The following ATP8A2 variants were observed in gnomAD, a reference collection of about 807,000 sequenced individuals.
ATP8A2 encodes phospholipid-transporting ATPase IB.
A neutral mutation model predicts 165.6 loss-of-function variants in ATP8A2; 100 were observed. The ratio of observed to expected loss-of-function variants is 0.60; its 90% confidence interval spans 0.51 to 0.71. The LOEUF (loss-of-function observed/expected upper bound fraction) is 0.71, where lower values mean the gene tolerates loss of function less well. ATP8A2 is among the 30% of genes least tolerant of loss of function. The pLI, the probability that ATP8A2 is intolerant of heterozygous loss-of-function variation, is 0.00. For synonymous variants in ATP8A2, 543 were observed against 548.8 expected (o/e 0.99, Z 0.15); for missense variants, 1,227 against 1,479.5 (o/e 0.83, Z 2.80).
At chr13:25,989,091 C>T (rs1214294593) in intron 35 of ATP8A2, among the ~76,000 whole-genome samples, 3 of 152,208 alleles carry the variant, frequency 2.0e-5, no homozygotes, top group Non-Finnish European at 2.9e-5. Context: ...GGAGGTTAAT[C>T]GGTGGTGAAG....
intron 2 of ATP8A2, among the ~76,000 whole-genome samples, chr13:25,527,529 A>G (rs949109530): frequency 1.2e-4 from 18 of 152,170 alleles, no homozygotes; most frequent in Non-Finnish European, 2.6e-4. Flanking sequence ...TAATGGCTAT[A>G]TATTTTGGCA....
At chr13:25,374,978 A>G (rs1003135064) in intron 1 of ATP8A2, among the ~76,000 whole-genome samples, 2 of 152,188 alleles carry the variant, frequency 1.3e-5, no homozygotes, top group Non-Finnish European at 2.9e-5. Flanking sequence ...ATAATTCTGG[A>G]ATATTTTCTT....
intron 25 of ATP8A2, among the ~76,000 whole-genome samples, chr13:25,724,777 T>C (rs994213106): frequency 6.6e-6 from 1 of 152,184 alleles, no homozygotes. Context: ...TATCTGTTTT[T>C]ATGATGTCCT....
At chr13:25,761,128 T>C (rs1273685539) in intron 25 of ATP8A2, among the ~76,000 whole-genome samples, 1 of 152,186 alleles carries the variant, frequency 6.6e-6, no homozygotes, top group African/African-American at 2.4e-5. Flanking sequence ...AAAGGACCTA[T>C]GCCTGGTATT....
intron 27 of ATP8A2, among the ~76,000 whole-genome samples, chr13:25,801,082 A>G (rs192654545): frequency 3.0e-4 from 45 of 152,282 alleles, no homozygotes; most frequent in Middle Eastern, 3.4e-3. Context: ...TTGTCTGAAT[A>G]ACATACATCC....
At chr13:25,380,486 T>C (rs1454598635) in intron 1 of ATP8A2, among the ~76,000 whole-genome samples, 1 of 152,118 alleles carries the variant, frequency 6.6e-6, no homozygotes. Context: ...AGACTTAGTA[T>C]GAAAAAGGAA....
At chr13:25,937,622 G>A (rs1249749655) in intron 33 of ATP8A2, among the ~76,000 whole-genome samples, 1 of 150,964 alleles carries the variant, frequency 6.6e-6, no homozygotes, top group East Asian at 1.9e-4. Flanking sequence ...GGCTGAGGCT[G>A]GCGGATCACG....
chr13:25,507,002 A>G (rs1566196370), intron 2 of ATP8A2, among the ~76,000 whole-genome samples: 2 of 149,450 alleles, frequency 1.3e-5, no homozygotes, highest in Non-Finnish European at 3.0e-5. Context: ...GAAACTAAAT[A>G]TGTGTGTGTA....
intron 33 of ATP8A2, among the ~76,000 whole-genome samples, chr13:25,922,608 C>T (rs1954490345): frequency 6.6e-6 from 1 of 152,208 alleles, no homozygotes; most frequent in African/African-American, 2.4e-5. Flanking sequence ...AGAGGTTATA[C>T]ACTCGCATTC....
At position 25,563,975 on chromosome 13, in the gene ATP8A2, A is replaced by T. The variant is rs753865651; in HGVS notation, c.1417A>T (p.Ser473Cys). Residue 473 changes from serine to cysteine, a missense_variant, in exon 16 of 37, where the codon AGT becomes TGT. By Grantham distance (112) the Ser-to-Cys change is moderately radical. Transcript: ENST00000381655. ...TTACAGTCGGATGCCTCCTCCCTGTAGTGATTCCTGTGACTTTGATGACCC... is the reference window on the plus strand; with the variant it reads ...TTACAGTCGGATGCCTCCTCCCTGTTGTGATTCCTGTGACTTTGATGACCC... ...DDFCRMPPPC[S>C]DSCDFDDPRL... 6.2e-7 allele frequency: 1 copy of T among 1,612,776 alleles called. No homozygotes were observed. Among genetic ancestry groups the T allele is most frequent in the African/African-American group, 1.3e-5 (1 of 75,032 alleles).
At chr13:25,675,801 G>C (rs955085690) in intron 24 of ATP8A2, among the ~76,000 whole-genome samples, 1 of 152,116 alleles carries the variant, frequency 6.6e-6, no homozygotes, top group African/African-American at 2.4e-5. Context: ...CTTGGATGCT[G>C]CTGATGGAGT....
intron 33 of ATP8A2, among the ~76,000 whole-genome samples, chr13:25,877,398 T>G (rs183690925): frequency 9.8e-5 from 15 of 152,342 alleles, no homozygotes; most frequent in African/African-American, 3.6e-4. Context: ...CACTTAAAGC[T>G]CCAATCATGG....
chr13:25,828,487 C>T (rs776306691), intron 28 of ATP8A2, among the ~76,000 whole-genome samples: 5 of 152,158 alleles, frequency 3.3e-5, no homozygotes, highest in African/African-American at 4.8e-5. Context: ...GCAACACTTT[C>T]GTGTTTTTAG....
intron 27 of ATP8A2, among the ~76,000 whole-genome samples, chr13:25,794,644 C>G (rs1950458830): frequency 1.3e-5 from 2 of 152,036 alleles, no homozygotes; most frequent in Non-Finnish European, 2.9e-5. Context: ...AAACTCACAA[C>G]TGTACATTAA....
chr13:25,506,768 A>G (rs1593420946), intron 2 of ATP8A2, among the ~76,000 whole-genome samples: 2 of 152,096 alleles, frequency 1.3e-5, no homozygotes, highest in South Asian at 2.1e-4. Flanking sequence ...AGGTTATTTT[A>G]TACAATATTT....
At chr13:25,490,674 T>G (rs563905273) in intron 2 of ATP8A2, among the ~76,000 whole-genome samples, 1 of 152,334 alleles carries the variant, frequency 6.6e-6, no homozygotes, top group East Asian at 1.9e-4. Context: ...TGCAAAAGCC[T>G]TCTTTTGGAC....
At position 25,530,643 on chromosome 13, in the gene ATP8A2, G is replaced by T; in HGVS notation, c.403G>T (p.Glu135Ter). 1 of 1,585,764 alleles carries T rather than the reference G, an allele frequency of 6.3e-7. No individual in the cohort carries two copies. The highest frequency in any genetic ancestry group is 1.1e-5 in the South Asian group (1 of 87,910). The change falls in exon 4 of 37, where the codon GAG (glutamate) becomes TAG (stop). Residue 135 changes from glutamate to a stop codon, truncating the protein, a stop_gained. Transcript: ENST00000381655. LOFTEE classifies it high-confidence loss of function. ...TATTTTAACAATTGCAGGCATCAAA[G>T]AGATTGTAGAAGATTTTGTAAGTTT... The part of the protein sequence containing the change: ...IIILTIAGIK[E>*]IVEDFKRHKA...
At chr13:25,472,737 G>A (rs776661118) in intron 2 of ATP8A2, among the ~76,000 whole-genome samples, 60 of 152,272 alleles carry the variant, frequency 3.9e-4, no homozygotes, top group Non-Finnish European at 6.9e-4. Context: ...GACCACATGG[G>A]ATAGATGAGG....
At chr13:25,838,582 G>A (rs1480684987) in intron 29 of ATP8A2, among the ~76,000 whole-genome samples, 1 of 148,344 alleles carries the variant, frequency 6.7e-6, no homozygotes, top group Admixed American at 6.7e-5. Context: ...TTTTTTTTAA[G>A]TAGAGAGGTC....
Sources: gnomAD v4.1 joint callset for allele counts (sites outside exome capture counted in the v4.1 genomes callset) on GRCh38, gnomAD v4.1.1 for gene constraint, MANE v1.5 for transcripts, NCBI Gene and HGNC (gene_info 2026-07-23, HGNC 2026-07-21) for gene names.